ZFYVE28: variants seen among roughly 807,000 people sequenced by gnomAD.
The protein encoded by ZFYVE28 is lateral signaling target protein 2 homolog.
ZFYVE28 carries 40 observed loss-of-function variants against 82.1 expected under a neutral mutation model. The observed-to-expected ratio is 0.49, with a 90% confidence interval of 0.38 to 0.63. ZFYVE28 has a LOEUF of 0.63. ZFYVE28 is among the 30% of genes least tolerant of loss of function. The pLI is 0.00. For synonymous variants in ZFYVE28, 612 were observed against 546.1 expected (o/e 1.12, Z -1.68); for missense variants, 1,321 against 1,242.1 (o/e 1.06, Z -0.96).
chr4:2,415,473 C>CACACACACACACTT (rs1377877027), intron 1 of ZFYVE28, among the ~76,000 whole-genome samples: 1 of 151,536 alleles, frequency 6.6e-6, no homozygotes, highest in East Asian at 1.9e-4. Flanking sequence ...CACACACACA[C>CACACACACACACTT]ACACACTTAA....
chr4:2,291,627 G>A (rs928678747), intron 8 of ZFYVE28, among the ~76,000 whole-genome samples: 1 of 152,196 alleles, frequency 6.6e-6, no homozygotes, highest in African/African-American at 2.4e-5. Flanking sequence ...ACAGGGCTGG[G>A]GGTCCTGGGG....
Position 2,418,231 on chromosome 4 carries a change from G to C in ZFYVE28, c.39+54C>G, listed in dbSNP as rs1014615792. ...CTTGTAGGGCGGACGGGCGGTCCTG[G>C]GGAAGGGAGAGGCCGCGACGCGGGG... On this transcript the variant is annotated intron_variant, in intron 1 of 12. Coordinates refer to ENST00000290974, the MANE Select transcript of ZFYVE28 (RefSeq NM_020972.3). This position sits in a 1 kb window ranked among gnomAD's most constrained non-coding sequence, Gnocchi z 4.6. 6 of 1,517,520 alleles carry C rather than the reference G, an allele frequency of 4.0e-6. No individual in the cohort carries two copies. Among genetic ancestry groups the C allele is most frequent in the Admixed American group, 2.1e-5 (1 of 47,440 alleles). 94.0% of individuals were successfully genotyped at this position (1,517,520 alleles called of 1,614,324 possible).
At chr4:2,353,049 A>T (rs61789446) in intron 2 of ZFYVE28, among the ~76,000 whole-genome samples, 4,254 of 152,344 alleles carry the variant, frequency 0.028, 107 homozygotes, top group Middle Eastern at 0.048. Context: ...TGGAGGGGCC[A>T]GAACATCTGT....
At chr4:2,277,509 T>TA (rs893440674) in intron 8 of ZFYVE28, among the ~76,000 whole-genome samples, 3 of 151,520 alleles carry the variant, frequency 2.0e-5, no homozygotes, top group African/African-American at 7.3e-5. Flanking sequence ...AAATAAAAAT[T>TA]AAAAAAAAGA....
chr4:2,289,211 G>C (rs565577058), intron 8 of ZFYVE28, among the ~76,000 whole-genome samples: 1 of 152,236 alleles, frequency 6.6e-6, no homozygotes, highest in East Asian at 1.9e-4. Context: ...TAACCTGGGA[G>C]GCAGAGGTTA....
intron 1 of ZFYVE28, among the ~76,000 whole-genome samples, chr4:2,357,854 T>C (rs954219533): frequency 1.4e-4 from 22 of 152,148 alleles, no homozygotes; most frequent in Non-Finnish European, 8.8e-5. Flanking sequence ...CCAGAATCAT[T>C]CTCTGCCCTG....
At position 2,355,252 on chromosome 4, in the gene ZFYVE28, AT is replaced by A. The variant is rs1725115674; in HGVS notation, c.40-1180del. On this transcript the variant is annotated intron_variant, in intron 1 of 12. Coordinates refer to ENST00000290974, the MANE Select transcript of ZFYVE28 (RefSeq NM_020972.3). ...TATATATATATATATATATATATAT[AT>A]ATATATATATATATATATAATGATT... Among the ~76,000 whole-genome samples the A allele has an allele frequency of 1.3e-3, 26 of 19,622 alleles. 4 individuals are homozygous for A. The highest frequency in any genetic ancestry group is 4.7e-3 in the African/African-American group (15 of 3,210). 12.9% of individuals were successfully genotyped at this position (19,622 alleles called of 152,430 possible). A position where few individuals can be genotyped will look rare whatever the true frequency, so the allele number is the denominator to read the frequency against.
chr4:2,349,077 C>T (rs988203645), intron 2 of ZFYVE28, among the ~76,000 whole-genome samples: 2 of 152,016 alleles, frequency 1.3e-5, no homozygotes, highest in Admixed American at 1.3e-4. Context: ...ATAAGAGAAT[C>T]GGACCAGATG....
chr4:2,291,750 C>T (rs536080360), intron 8 of ZFYVE28, among the ~76,000 whole-genome samples: 4 of 152,318 alleles, frequency 2.6e-5, no homozygotes, highest in Non-Finnish European at 4.4e-5. Context: ...CCACACTTGC[C>T]GATGCCCATC....
chr4:2,359,054 A>G (rs10001146), intron 1 of ZFYVE28, among the ~76,000 whole-genome samples: 24,022 of 149,214 alleles, frequency 0.16, 2,109 homozygotes, highest in African/African-American at 0.24. Context: ...AGCTCACTGC[A>G]AGCTCAGCCT....
At chr4:2,340,106 G>A (rs1225493671) in intron 3 of ZFYVE28, among the ~76,000 whole-genome samples, 1 of 152,200 alleles carries the variant, frequency 6.6e-6, no homozygotes, top group Non-Finnish European at 1.5e-5. Context: ...TGCTCCCAGG[G>A]ATGAAGCAGC....
intron 1 of ZFYVE28, among the ~76,000 whole-genome samples, chr4:2,369,807 T>C (rs956678331): frequency 5.5e-5 from 8 of 146,606 alleles, no homozygotes; most frequent in Non-Finnish European, 1.2e-4. Flanking sequence ...CTCAGACTTC[T>C]GGTCTCCAGA....
At position 2,341,109 on chromosome 4, in the gene ZFYVE28, TC is replaced by T. The variant is rs930903862; in HGVS notation, c.318+368del. On this transcript the variant is annotated intron_variant, in intron 3 of 12. Transcript: ENST00000290974. The surrounding 1 kb of genome is among the most constrained non-coding windows in gnomAD (Gnocchi z 4.5). ...GGCCTGCGTGGGGCTGCAGCACGGC[TC>T]CCCAGCCCCTGCTGCTGCCCATGCT... 6.6e-6 allele frequency among the ~76,000 whole-genome samples: 1 copy of T among 151,790 alleles called. No individual in the cohort carries two copies. The highest frequency in any genetic ancestry group is 6.6e-5 in the Admixed American group (1 of 15,256).
At chr4:2,277,944 A>G (rs557338301) in intron 8 of ZFYVE28, among the ~76,000 whole-genome samples, 1 of 152,380 alleles carries the variant, frequency 6.6e-6, no homozygotes, top group African/African-American at 2.4e-5. Flanking sequence ...ATGAAAGAGC[A>G]GGAATCAAGA....
At chr4:2,414,443 A>G (rs1732828978) in intron 1 of ZFYVE28, among the ~76,000 whole-genome samples, 1 of 152,132 alleles carries the variant, frequency 6.6e-6, no homozygotes, top group African/African-American at 2.4e-5. Flanking sequence ...AATACACATC[A>G]CTCAGTAAGG....
At chr4:2,323,774 A>G (rs28826994) in intron 6 of ZFYVE28, among the ~76,000 whole-genome samples, 20,732 of 141,334 alleles carry the variant, frequency 0.15, 1,638 homozygotes, top group Non-Finnish European at 0.17. Context: ...ATTCCCACCT[A>G]TGAGTGAGAA....
Position 2,339,625 on chromosome 4 carries a change from G to A in ZFYVE28, c.349C>T (p.Arg117Trp), listed in dbSNP as rs769848157. ...CGCATGGCCATGCTCTCCAGCTCCCGGTTCATGATGATGGAGCCGGCGGCC... is the reference window on the plus strand; with the variant it reads ...CGCATGGCCATGCTCTCCAGCTCCCAGTTCATGATGATGGAGCCGGCGGCC... ...CLAAGSIIMN[R>W]ELESMAMRPL... is the part of the protein sequence containing the mutation. The change falls in exon 4 of 13, where the codon CGG (arginine) becomes TGG (tryptophan). Residue 117 changes from arginine (R) to tryptophan (W), a missense_variant. Physicochemically the swap from Arg to Trp is moderately radical, Grantham distance 101. Around this residue, in one of 2 missense-constraint regions of ZFYVE28, gnomAD observed 343 missense variants for 408.4 expected, o/e 0.84. Transcript: ENST00000290974. The surrounding 1 kb of genome is among the most constrained non-coding windows in gnomAD (Gnocchi z 5.0). The A allele has an allele frequency of 1.1e-5, 18 of 1,609,080 alleles. No individual in the cohort carries two copies. The highest frequency in any genetic ancestry group is 1.4e-5 in the Non-Finnish European group (17 of 1,178,240).
In ZFYVE28 at chr4:2,390,877, C is replaced by A. The variant is rs1224014717; in HGVS notation, c.39+27408G>T. Among the ~76,000 whole-genome samples the A allele has an allele frequency of 3.3e-5, 5 of 152,234 alleles. No homozygotes were observed. In the East Asian group the frequency reaches 9.6e-4, roughly 29 times the overall value. ...GGTTCACCCTGCATGCTGCCTTGGT[C>A]CTGGGATGCCCCGGTTGAGGAATCC... On this transcript the variant is annotated intron_variant, in intron 1 of 12. Transcript: ENST00000290974.
chr4:2,406,061 A>AG (rs767141018), intron 1 of ZFYVE28, among the ~76,000 whole-genome samples: 34,929 of 112,476 alleles, frequency 0.31, 5,203 homozygotes, highest in East Asian at 0.58. Flanking sequence ...AAAAAAAAAA[A>AG]AAAAGAAAGA....
Sources: gnomAD v4.1 joint callset for allele counts (sites outside exome capture counted in the v4.1 genomes callset) on GRCh38, gnomAD v4.1.1 for gene constraint, gnomAD v4.1.1 regional missense constraint, Gnocchi (gnomAD v3.1) non-coding constraint, MANE v1.5 for transcripts, NCBI Gene and HGNC (gene_info 2026-07-23, HGNC 2026-07-21) for gene names.